The following C8A variants were observed in gnomAD, a reference collection of about 807,000 sequenced individuals.
C8A encodes the protein complement component C8 alpha chain.
Under a neutral mutation model 65.3 loss-of-function variants are expected in C8A, and 67 were observed. The observed-to-expected ratio is 1.03, with a 90% CI of 0.84 to 1.26. The LOEUF (loss-of-function observed/expected upper bound fraction) is 1.26. C8A is among the 50% of genes most tolerant of loss of function. C8A has a pLI of 0.00. For synonymous variants in C8A, 290 were observed against 259.4 expected (o/e 1.12, Z -1.13); for missense variants, 781 against 723.9 (o/e 1.08, Z -0.90).
In C8A at chr1:56,909,507, A is replaced by T. The variant is rs538728675; in HGVS notation, c.1380+1394A>T. Among the ~76,000 whole-genome samples the T allele has an allele frequency of 4.9e-4, 75 of 152,326 alleles. 2 individuals are homozygous for T. The South Asian group carries it at 0.015, about 30-fold the overall frequency. On this transcript the variant is annotated intron_variant, in intron 9 of 10. Transcript: ENST00000361249. Reference sequence around the variant, plus strand: ...AATTGATATCATCAAGCTATTAGTGATTTGAGCAAAAACTGTAAAATTGAT... The same window carrying T: ...AATTGATATCATCAAGCTATTAGTGTTTTGAGCAAAAACTGTAAAATTGAT...
intron 7 of C8A, among the ~76,000 whole-genome samples, chr1:56,894,787 A>G (rs1246130925): frequency 6.6e-6 from 1 of 152,126 alleles, no homozygotes; most frequent in African/African-American, 2.4e-5. Flanking sequence ...TGCTTAATAC[A>G]TTGTCCCTCT....
intron 9 of C8A, among the ~76,000 whole-genome samples, chr1:56,909,063 C>G (rs1038390129): frequency 1.3e-5 from 2 of 152,198 alleles, no homozygotes; most frequent in Non-Finnish European, 2.9e-5. Flanking sequence ...AAATATCTGG[C>G]CTCAAGTGTC....
chr1:56,893,209 C>A (rs963997590), intron 7 of C8A, among the ~76,000 whole-genome samples: 2 of 151,972 alleles, frequency 1.3e-5, no homozygotes. Flanking sequence ...CTTTAAAAGT[C>A]TGTTGTGAGA....
At chr1:56,895,985 A>G (rs1644384615) in intron 7 of C8A, among the ~76,000 whole-genome samples, 1 of 152,134 alleles carries the variant, frequency 6.6e-6, no homozygotes, top group Admixed American at 6.5e-5. Flanking sequence ...GAATGTGTGT[A>G]GACTGATCAT....
chr1:56,866,584 G>A (rs886808306), intron 1 of C8A, among the ~76,000 whole-genome samples: 7 of 152,216 alleles, frequency 4.6e-5, no homozygotes, highest in African/African-American at 1.7e-4. Context: ...AACACTTTCT[G>A]TTCCTACACT....
At chr1:56,903,619 T>A (rs754434765) in intron 7 of C8A, among the ~76,000 whole-genome samples, 6 of 152,208 alleles carry the variant, frequency 3.9e-5, no homozygotes, top group Non-Finnish European at 7.3e-5. Context: ...TGAGTAGATA[T>A]GATGGAACTG....
chr1:56,869,531 T>C (rs1457526007), intron 2 of C8A, among the ~76,000 whole-genome samples: 1 of 152,224 alleles, frequency 6.6e-6, no homozygotes, highest in African/African-American at 2.4e-5. Flanking sequence ...CTTAGGTAGA[T>C]ACCCAGTAGT....
chr1:56,882,847 A>T (rs541544269), intron 5 of C8A, among the ~76,000 whole-genome samples: 1 of 152,264 alleles, frequency 6.6e-6, no homozygotes, highest in East Asian at 1.9e-4. Context: ...TGTCCACCCT[A>T]AAGTAGAAAG....
chr1:56,917,951 T>C lies in C8A; in HGVS notation c.*235T>C. 5.7e-6 allele frequency: 3 copies of C among 524,654 alleles called. No individual in the cohort carries two copies. The highest frequency in any genetic ancestry group is 1.0e-5 in the Non-Finnish European group (3 of 291,208). The allele number at this position is 524,654 out of a possible 1,614,324, so 32.5% of individuals were successfully genotyped here. On this transcript the variant is annotated 3_prime_UTR_variant, in exon 11 of 11. Transcript: ENST00000361249. ...TGTTGACTGTTAACTAGAAGCTCTG[T>C]CCTACTTACAGCACTTTGGATCATC...
rs567276653 is a variant in C8A, at chr1:56,861,966, C to A, written c.78-5643C>A. Among the ~76,000 whole-genome samples, 3 of 152,258 alleles carry A rather than the reference C, an allele frequency of 2.0e-5. No homozygotes were observed. The East Asian group carries it at 5.8e-4, about 29-fold the overall frequency. On this transcript the variant is annotated intron_variant, in intron 1 of 10. Transcript: ENST00000361249. ...CATTCTGGGTCAAGTGTTTGACTTG[C>A]GCATTGCTTATTCAAGTCTAGGTTT...
intron 2 of C8A, among the ~76,000 whole-genome samples, chr1:56,870,687 T>TAAATTAAATTAA (rs1250198849): frequency 9.7e-4 from 148 of 152,248 alleles, no homozygotes; most frequent in Middle Eastern, 3.4e-3. Context: ...AAATTTTTCG[T>TAAATTAAATTAA]ATTTATTTCA....
intron 10 of C8A, among the ~76,000 whole-genome samples, chr1:56,914,471 A>G (rs1644535837): frequency 6.6e-6 from 1 of 152,144 alleles, no homozygotes; most frequent in African/African-American, 2.4e-5. Context: ...AAATCTTTAA[A>G]TGCAAAATTG....
intron 7 of C8A, among the ~76,000 whole-genome samples, chr1:56,903,257 G>T (rs1428128683): frequency 6.6e-6 from 1 of 152,112 alleles, no homozygotes; most frequent in East Asian, 1.9e-4. Flanking sequence ...CATGGGGGTG[G>T]TTACTCTCAT....
chr1:56,904,266 A>C (rs1362325113), intron 7 of C8A, among the ~76,000 whole-genome samples: 1 of 152,038 alleles, frequency 6.6e-6, no homozygotes, highest in Non-Finnish European at 1.5e-5. Flanking sequence ...CCACAGGCTC[A>C]CTGTAGACAG....
chr1:56,885,427 AATATATATTTAAGTAAATAT>A (rs1412312961), intron 6 of C8A, among the ~76,000 whole-genome samples: 4 of 103,984 alleles, frequency 3.8e-5, no homozygotes, highest in Non-Finnish European at 6.8e-5. Flanking sequence ...TATATATTTA[AATATATATTTAAGTAAATAT>A]ATATATATTT....
In C8A at chr1:56,867,709, CACTT is replaced by C. The variant is rs760033675; in HGVS notation, c.171+10_171+13del. 6.2e-7 allele frequency: 1 copy of C among 1,606,984 alleles called. No individual in the cohort carries two copies. The highest frequency in any genetic ancestry group is 1.3e-5 in the African/African-American group (1 of 74,776). ...TCCGTGCCAGGACAAAAAGGTGAGA[CACTT>C]ACAACCGGTTTGGGGGCATTTCATA... On this transcript the variant is annotated splice_region_variant and intron_variant, in intron 2 of 10. Transcript: ENST00000361249.
rs1043384880 is a variant in C8A, at chr1:56,917,689, G to A, written c.1728G>A (p.Gly576=). The part of the protein sequence containing the change: ...APQNGGASCP[G]RKVQTQAC ...AGAATGGAGGGGCCTCGTGTCCAGGGCGGAAAGTACAGACGCAGGCTTGCT... is the reference window on the plus strand; with the variant it reads ...AGAATGGAGGGGCCTCGTGTCCAGGACGGAAAGTACAGACGCAGGCTTGCT... The change falls in exon 11 of 11, where the codon GGG becomes GGA. Residue 576 remains glycine (G), a synonymous_variant. Transcript: ENST00000361249. The A allele has an allele frequency of 9.3e-6, 15 of 1,614,084 alleles. No individual in the cohort carries two copies. The highest frequency in any genetic ancestry group is 4.0e-5 in the African/African-American group (3 of 74,940).
intron 4 of C8A, among the ~76,000 whole-genome samples, chr1:56,878,447 G>A (rs184640908): frequency 6.6e-6 from 1 of 152,212 alleles, no homozygotes; most frequent in African/African-American, 2.4e-5. Context: ...GGCAGAACAT[G>A]GATCTTCTCC....
chr1:56,912,483 G>A lies in C8A; in HGVS notation c.1461G>A (p.Leu487=). 6.2e-7 allele frequency: 1 copy of A among 1,614,196 alleles called. No homozygotes were observed. The highest frequency in any genetic ancestry group is 8.5e-7 in the Non-Finnish European group (1 of 1,180,036). The change falls in exon 10 of 11, where the codon TTG becomes TTA. Residue 487 remains leucine, a synonymous_variant. Transcript: ENST00000361249. ...AGCGCCAGAACCTGCGCCGCGCCTT[G>A]GACCAGTATCTGATGGAATTCAATG... ...EAKRQNLRRA[L]DQYLMEFNAC... is the part of the protein sequence containing the mutation.
Sources: gnomAD v4.1 joint callset for allele counts (sites outside exome capture counted in the v4.1 genomes callset) on GRCh38, gnomAD v4.1.1 for gene constraint, MANE v1.5 for transcripts, NCBI Gene and HGNC (gene_info 2026-07-23, HGNC 2026-07-21) for gene names.